ERBIN: variants seen among roughly 807,000 people sequenced by gnomAD.
The protein encoded by ERBIN is densin-180-like protein.
ERBIN carries 60 observed loss-of-function variants against 158.4 expected under a neutral mutation model. The observed-to-expected ratio is 0.38, with a 90% confidence interval of 0.31 to 0.47. The LOEUF is 0.47. Ranked by LOEUF, ERBIN falls within the 20% of genes least tolerant of loss-of-function variation. ERBIN has a pLI of 0.99. For missense variants in ERBIN, 1,610 were observed against 1,648.0 expected (o/e 0.98, Z 0.40); for synonymous variants, 594 against 557.2 (o/e 1.07, Z -0.93).
Position 65,947,938 on chromosome 5 carries a change from C to T in ERBIN, c.-58+21132C>T, listed in dbSNP as rs894681723. ...AGGAGAATCACTTGAACCTCGGAGG[C>T]GGAGGTTGCAGTGAGCCGTGATAAT... On this transcript the variant is annotated intron_variant, in intron 1 of 25. Coordinates refer to ENST00000284037, the MANE Select transcript of ERBIN (RefSeq NM_001253697.2). Among the ~76,000 whole-genome samples the T allele has an allele frequency of 5.4e-5, 8 of 148,652 alleles. No individual in the cohort carries two copies. The Middle Eastern group carries it at 0.01, about 192-fold the overall frequency.
intron 7 of ERBIN, among the ~76,000 whole-genome samples, chr5:66,020,458 T>A (rs1182360559): frequency 1.3e-5 from 2 of 152,014 alleles, no homozygotes; most frequent in Non-Finnish European, 2.9e-5. Context: ...GATATTGTGA[T>A]TATAACTATA....
intron 4 of ERBIN, among the ~76,000 whole-genome samples, chr5:66,003,949 A>G (rs1354987484): frequency 4.4e-5 from 2 of 44,958 alleles, no homozygotes; most frequent in South Asian, 7.8e-4. Flanking sequence ...TTTTTTTTTT[A>G]TAAGAGGCGG....
In ERBIN at chr5:66,075,050, C is replaced by T. The variant is rs190421066; in HGVS notation, c.3783C>T (p.Gly1261=). 184 of 1,614,086 alleles carry T rather than the reference C, an allele frequency of 1.1e-4. No individual in the cohort carries two copies. The highest frequency in any genetic ancestry group is 3.3e-4 in the Middle Eastern group (2 of 6,060). ...TGCCTTTGAGTAATGGACAGATGGG[C>T]CAGCCTCTCAGGCCTCAGGCAAATT... ...MKMPLSNGQM[G]QPLRPQANYS... is the part of the protein sequence containing the mutation. Residue 1261 remains glycine, a synonymous_variant, in exon 23 of 26, where the codon GGC becomes GGT. Transcript: ENST00000284037.
chr5:65,999,464 TA>T (rs1003108769), intron 4 of ERBIN, among the ~76,000 whole-genome samples: 2 of 152,212 alleles, frequency 1.3e-5, no homozygotes, highest in African/African-American at 4.8e-5. Flanking sequence ...ATGCATCCCC[TA>T]AGAACAGGGG....
At chr5:66,051,806 G>A (rs2151230758) in intron 20 of ERBIN, among the ~76,000 whole-genome samples, 1 of 151,556 alleles carries the variant, frequency 6.6e-6, no homozygotes, top group South Asian at 2.1e-4. Context: ...GAGGTGGGAG[G>A]ATTGCTTGAG....
chr5:65,958,692 TTTTAC>T (rs1234387576), intron 1 of ERBIN, among the ~76,000 whole-genome samples: 1 of 151,982 alleles, frequency 6.6e-6, no homozygotes, highest in Non-Finnish European at 1.5e-5. Flanking sequence ...TGTAGGATTT[TTTTAC>T]TTTATGATGG....
chr5:66,016,835 G>C (rs115488028), intron 7 of ERBIN, among the ~76,000 whole-genome samples: 1 of 151,960 alleles, frequency 6.6e-6, no homozygotes, highest in Non-Finnish European at 1.5e-5. Context: ...GACTGGTCTC[G>C]AACTCCTGGC....
intron 1 of ERBIN, among the ~76,000 whole-genome samples, chr5:65,968,296 T>C (rs1748883995): frequency 6.6e-6 from 1 of 152,182 alleles, no homozygotes; most frequent in African/African-American, 2.4e-5. Flanking sequence ...GTGAGGATTT[T>C]CTATAGGTTC....
chr5:65,982,829 A>G (rs1242989175), intron 1 of ERBIN, among the ~76,000 whole-genome samples: 1 of 152,188 alleles, frequency 6.6e-6, no homozygotes, highest in Non-Finnish European at 1.5e-5. Flanking sequence ...ATATTTACCT[A>G]TGAGAACAGA....
intron 17 of ERBIN, among the ~76,000 whole-genome samples, chr5:66,045,585 A>G (rs1189837373): frequency 6.6e-6 from 1 of 152,204 alleles, no homozygotes; most frequent in Non-Finnish European, 1.5e-5. Context: ...TTCTCTGAAC[A>G]TACCACTGTT....
At chr5:65,942,394 A>AG (rs1471092767) in intron 1 of ERBIN, among the ~76,000 whole-genome samples, 2 of 152,236 alleles carry the variant, frequency 1.3e-5, no homozygotes. Flanking sequence ...TAGGTGTTAG[A>AG]GAAAAAAAGA....
intron 21 of ERBIN, among the ~76,000 whole-genome samples, chr5:66,069,339 A>G (rs1761324109): frequency 6.6e-6 from 1 of 152,240 alleles, no homozygotes; most frequent in South Asian, 2.1e-4. Flanking sequence ...TTCTATTCCT[A>G]AGGATTTTAA....
At chr5:65,977,711 G>T (rs1382810403) in intron 1 of ERBIN, among the ~76,000 whole-genome samples, 1 of 151,012 alleles carries the variant, frequency 6.6e-6, no homozygotes, top group African/African-American at 2.4e-5. Context: ...CTTCCCAGAC[G>T]ATGGGCGGCC....
chr5:65,994,272 C>T (rs1371795339), intron 3 of ERBIN, among the ~76,000 whole-genome samples: 1 of 152,154 alleles, frequency 6.6e-6, no homozygotes, highest in Non-Finnish European at 1.5e-5. Context: ...TCTCTAATCA[C>T]CACCAGTAGA....
In ERBIN at chr5:66,046,408, T is replaced by C; in HGVS notation, c.1658T>C (p.Met553Thr). 6.2e-7 allele frequency: 1 copy of C among 1,605,446 alleles called. No individual in the cohort carries two copies. Among genetic ancestry groups the C allele is most frequent in the East Asian group, 2.2e-5 (1 of 44,768 alleles). ...KSKVDEREKY[M>T]IGNSVQKISE... ...AAAGTTGATGAAAGAGAAAAATATATGATAGGAAACTCTGTACAGAAGATC... is the reference window on the plus strand; with the variant it reads ...AAAGTTGATGAAAGAGAAAAATATACGATAGGAAACTCTGTACAGAAGATC... Residue 553 changes from methionine (M) to threonine (T), a missense_variant, in exon 18 of 26, where the codon ATG (methionine) becomes ACG (threonine). Met to Thr is a moderately conservative substitution (Grantham distance 81). Transcript: ENST00000284037.
chr5:66,072,777 G>A (rs1226243959), intron 22 of ERBIN, among the ~76,000 whole-genome samples: 2 of 152,150 alleles, frequency 1.3e-5, no homozygotes, highest in African/African-American at 4.8e-5. Flanking sequence ...AATTATCTAT[G>A]TATGGCCAGT....
At chr5:66,021,827 T>A (rs1167498139) in intron 8 of ERBIN, among the ~76,000 whole-genome samples, 1 of 152,090 alleles carries the variant, frequency 6.6e-6, no homozygotes, top group Admixed American at 6.6e-5. Flanking sequence ...ACAACTGTTA[T>A]TTTTGAAGTG....
intron 19 of ERBIN, 28 bp from the exon 20 acceptor site, chr5:66,050,755 C>G: frequency 1.4e-6 from 2 of 1,404,644 alleles, no homozygotes; most frequent in African/African-American, 1.5e-5. Flanking sequence ...GGGAATTTAT[C>G]ATTAATCTTA....
At chr5:65,988,374 TA>T (rs994924385) in intron 1 of ERBIN, among the ~76,000 whole-genome samples, 517 of 141,644 alleles carry the variant, frequency 3.7e-3, no homozygotes, top group Admixed American at 3.8e-3. Flanking sequence ...CCCAGTCTCT[TA>T]AAAAAAAAAA....
Sources: allele counts gnomAD v4.1 joint callset (sites outside exome capture counted in the v4.1 genomes callset), GRCh38; gene constraint gnomAD v4.1.1; transcripts MANE v1.5; gene names NCBI Gene and HGNC (gene_info 2026-07-23, HGNC 2026-07-21).